The following CPNE5 variants were observed in gnomAD, a reference collection of about 807,000 sequenced individuals.
CPNE5 encodes the protein copine-5.
CPNE5 carries 42 observed loss-of-function variants against 81.1 expected under a neutral mutation model. That is an observed-to-expected ratio of 0.52 (90% CI 0.40 to 0.67). The LOEUF (loss-of-function observed/expected upper bound fraction) is 0.67, where lower values mean the gene tolerates loss of function less well. Among genes scored for constraint, CPNE5 ranks in the 30% least tolerant of loss-of-function variants. The probability of loss-of-function intolerance (pLI) is 0.00; values close to 1 mark genes in which losing one functional copy is unlikely to be tolerated. For synonymous variants in CPNE5, 313 were observed against 321.5 expected, an observed-to-expected ratio of 0.97 and a Z score of 0.28; for missense variants, 612 against 815.5, an observed-to-expected ratio of 0.75 and a Z score of 3.04.
intron 1 of CPNE5, among the ~76,000 whole-genome samples, chr6:36,838,018 G>A (rs185170275): frequency 3.2e-4 from 48 of 152,216 alleles, no homozygotes; most frequent in Admixed American, 1.2e-3. Context: ...TATCACAGGA[G>A]CCCCCAGAGG....
chr6:36,760,589 G>A (rs185217666), intron 12 of CPNE5, among the ~76,000 whole-genome samples: 3 of 152,286 alleles, frequency 2.0e-5, no homozygotes, highest in East Asian at 1.9e-4. Context: ...GGTGGTAGGC[G>A]AGCAGTGTTT....
chr6:36,826,948 G>A (rs1030783315), intron 1 of CPNE5, among the ~76,000 whole-genome samples: 2 of 152,172 alleles, frequency 1.3e-5, no homozygotes, highest in Admixed American at 6.5e-5. Context: ...GATATGTGGA[G>A]CACCTGGGAC....
chr6:36,742,713 T>C (rs938763344), intron 20 of CPNE5: 59 of 985,326 alleles, frequency 6.0e-5, no homozygotes, highest in Non-Finnish European at 6.7e-5. Context: ...CGACAAAAAC[T>C]GAGCCCTATT....
At chr6:36,768,235 T>TTTTTC (rs1766752055) in intron 10 of CPNE5, among the ~76,000 whole-genome samples, 1 of 107,500 alleles carries the variant, frequency 9.3e-6, no homozygotes, top group Non-Finnish European at 2.0e-5. Context: ...CTTTTTTTTT[T>TTTTTC]TTTTTTTTTT....
At chr6:36,778,232 T>C (rs1767722239) in intron 9 of CPNE5, among the ~76,000 whole-genome samples, 1 of 152,170 alleles carries the variant, frequency 6.6e-6, no homozygotes, top group African/African-American at 2.4e-5. Flanking sequence ...TCCCTGCATA[T>C]ATTACTGACC....
chr6:36,784,470 G>A (rs886237123), intron 8 of CPNE5, among the ~76,000 whole-genome samples: 3 of 152,216 alleles, frequency 2.0e-5, no homozygotes, highest in Admixed American at 6.5e-5. Context: ...GAACAAGTGG[G>A]AGCTTGTGAA....
chr6:36,783,951 T>C (rs760977537), intron 8 of CPNE5, among the ~76,000 whole-genome samples: 1 of 152,244 alleles, frequency 6.6e-6, no homozygotes, highest in African/African-American at 2.4e-5. Context: ...AGATTCCAAA[T>C]GATGACCTCA....
chr6:36,839,197 G>C lies in CPNE5; in HGVS notation c.95+86C>G, dbSNP rs955657573. 74 of 962,628 alleles carry C rather than the reference G, an allele frequency of 7.7e-5. No individual in the cohort carries two copies. The highest frequency in any genetic ancestry group is 9.4e-5 in the Non-Finnish European group (62 of 660,750). 59.6% of individuals were successfully genotyped at this position (962,628 alleles called of 1,614,324 possible). Reference sequence around the variant, plus strand: ...CCAGGACACTCTGGGAAGGGGGCGCGCGGAGGTTTAGGATCGAAGCGGCAG... The same window carrying C: ...CCAGGACACTCTGGGAAGGGGGCGCCCGGAGGTTTAGGATCGAAGCGGCAG... On this transcript the variant is annotated intron_variant, in intron 1 of 20. Transcript: ENST00000244751. The surrounding 1 kb of genome is among the most constrained non-coding windows in gnomAD (Gnocchi z 7.3).
intron 8 of CPNE5, among the ~76,000 whole-genome samples, chr6:36,790,883 C>T (rs1769033803): frequency 6.6e-6 from 1 of 152,100 alleles, no homozygotes; most frequent in South Asian, 2.1e-4. Context: ...ATAATGGGTT[C>T]AACTATTGTT....
At chr6:36,765,476 G>A (rs1766478144) in intron 10 of CPNE5, 100 bp from the exon 11 acceptor site, 1 of 1,421,180 alleles carries the variant, frequency 7.0e-7, no homozygotes, top group Non-Finnish European at 9.8e-7. Flanking sequence ...GGGAGGCCAG[G>A]ACTCCCTCTG....
Position 36,748,213 on chromosome 6 carries a change from C to T in CPNE5, c.1018+8G>A. ...CCACCCTGCTCCTCTACCCATCCCC[C>T]AACTCACCATTGGAGGCAGTGAAAT... is the stretch of plus-strand genomic sequence containing the variant. On this transcript the variant is annotated splice_region_variant and intron_variant, in intron 15 of 20. Transcript: ENST00000244751. 4 of 1,613,940 alleles carry T rather than the reference C, an allele frequency of 2.5e-6. No individual in the cohort carries two copies. The South Asian group carries it at 4.4e-5, about 18-fold the overall frequency.
chr6:36,835,053 C>T (rs1773357825), intron 1 of CPNE5, among the ~76,000 whole-genome samples: 1 of 152,186 alleles, frequency 6.6e-6, no homozygotes, highest in African/African-American at 2.4e-5. Context: ...GCCCACCAGC[C>T]CCATACCAGC....
At chr6:36,792,297 C>T (rs994114432) in intron 7 of CPNE5, 28 of 1,501,190 alleles carry the variant, frequency 1.9e-5, no homozygotes, top group Admixed American at 5.9e-5. Context: ...ACCGGGTCCC[C>T]GAGCCTGGAG....
At chr6:36,743,645 G>A in intron 20 of CPNE5, 44 bp downstream of exon 20, 4 of 1,577,660 alleles carry the variant, frequency 2.5e-6, no homozygotes, top group African/African-American at 1.3e-5. Flanking sequence ...CTGGCTAGAG[G>A]GGCTCTTGAA....
At chr6:36,811,980 TGTAA>T (rs1231744943) in intron 3 of CPNE5, among the ~76,000 whole-genome samples, 1 of 152,190 alleles carries the variant, frequency 6.6e-6, no homozygotes, top group Non-Finnish European at 1.5e-5. Context: ...GGCATATGCC[TGTAA>T]TCCTAGTTAC....
intron 1 of CPNE5, among the ~76,000 whole-genome samples, chr6:36,824,848 AG>A (rs1345556811): frequency 6.6e-6 from 1 of 152,210 alleles, no homozygotes; most frequent in Non-Finnish European, 1.5e-5. Context: ...CAGGAGCCTG[AG>A]GCAGGAGGAT....
chr6:36,741,799 T>G lies in CPNE5; in HGVS notation c.*469A>C. The G allele has an allele frequency of 6.4e-6, 1 of 156,946 alleles. No individual in the cohort carries two copies. The allele number at this position is 156,946 out of a possible 1,614,324, so 9.7% of individuals were successfully genotyped here. A position where few individuals can be genotyped will look rare whatever the true frequency, so the allele number is the denominator to read the frequency against. On this transcript the variant is annotated 3_prime_UTR_variant, in exon 21 of 21. Coordinates refer to ENST00000244751, the MANE Select transcript of CPNE5 (RefSeq NM_020939.2). ...CCTTCCTGCAAACCCATCAGCTTCA[T>G]GGGGTTCACTGGAAATCGGGCACAG...
chr6:36,829,438 A>T (rs1772789926), intron 1 of CPNE5, among the ~76,000 whole-genome samples: 1 of 152,258 alleles, frequency 6.6e-6, no homozygotes, highest in African/African-American at 2.4e-5. Context: ...TCAAGGTTGC[A>T]GTGAGCCGTG....
At chr6:36,779,031 T>C (rs919285850) in intron 8 of CPNE5, 74 bp from the exon 9 acceptor site, 9 of 1,015,092 alleles carry the variant, frequency 8.9e-6, no homozygotes, top group Admixed American at 3.5e-5. Context: ...CCGGCAAGCA[T>C]GAGGAGTCCA....
Sources: allele counts gnomAD v4.1 joint callset (sites outside exome capture counted in the v4.1 genomes callset), GRCh38; gene constraint gnomAD v4.1.1; non-coding constraint Gnocchi (gnomAD v3.1); transcripts MANE v1.5; gene names NCBI Gene and HGNC (gene_info 2026-07-23, HGNC 2026-07-21).